The following QTMAN variants were observed in gnomAD, a reference collection of about 807,000 sequenced individuals.
QTMAN encodes the protein queuosine-tRNA mannosyltransferase.
the QTMAN span, among the ~76,000 whole-genome samples, chr2:144,194,524 G>GT: frequency 6.6e-6 from 1 of 152,202 alleles, no homozygotes; most frequent in Non-Finnish European, 1.5e-5. Flanking sequence ...GCTAATATTT[G>GT]TAAGTTGGGA....
chr2:144,143,647 C>T, the QTMAN span, among the ~76,000 whole-genome samples: 2 of 151,912 alleles, frequency 1.3e-5, no homozygotes, highest in African/African-American at 4.8e-5. Flanking sequence ...GCTGACACAA[C>T]ACTAAGCAAT....
chr2:144,165,300 G>A, the QTMAN span, among the ~76,000 whole-genome samples: 6 of 152,012 alleles, frequency 3.9e-5, no homozygotes, highest in Non-Finnish European at 7.4e-5. Context: ...AACCCAGGAG[G>A]CAGAGGTTGC....
At chr2:144,259,094 C>T in the QTMAN span, among the ~76,000 whole-genome samples, 1 of 152,174 alleles carries the variant, frequency 6.6e-6, no homozygotes, top group Admixed American at 6.5e-5. Flanking sequence ...AGCAGGTACA[C>T]CAGAAGTGAC....
the QTMAN span, among the ~76,000 whole-genome samples, chr2:144,164,748 T>C: frequency 5.4e-4 from 83 of 152,330 alleles, no homozygotes; most frequent in Non-Finnish European, 9.3e-4. Context: ...TTTTGGGTTG[T>C]TGGCAATTGT....
chr2:144,307,157 C>CT, the QTMAN span, among the ~76,000 whole-genome samples: 8 of 40,470 alleles, frequency 2.0e-4, no homozygotes, highest in African/African-American at 7.4e-4. Context: ...GAGACTCCGT[C>CT]TTAAAAAAAA....
chr2:144,217,224 C>G, the QTMAN span, among the ~76,000 whole-genome samples: 1 of 151,980 alleles, frequency 6.6e-6, no homozygotes, highest in South Asian at 2.1e-4. Context: ...AACCACTTTT[C>G]TTTTACAGAA....
the QTMAN span, among the ~76,000 whole-genome samples, chr2:144,279,061 CA>C: frequency 6.6e-6 from 1 of 152,068 alleles, no homozygotes; most frequent in Non-Finnish European, 1.5e-5. Flanking sequence ...TTCAGTGGCA[CA>C]ATTTGAACCC....
the QTMAN span, among the ~76,000 whole-genome samples, chr2:144,220,712 A>T: frequency 6.6e-6 from 1 of 152,194 alleles, no homozygotes; most frequent in Non-Finnish European, 1.5e-5. Flanking sequence ...CATATATGGG[A>T]TCATTAGTCT....
At chr2:143,957,205 C>A in the QTMAN span, 5 of 1,585,702 alleles carry the variant, frequency 3.2e-6, no homozygotes, top group Admixed American at 7.5e-5. Flanking sequence ...ATTGCCACTC[C>A]AAAGAATTCA....
At chr2:144,245,220 T>C in the QTMAN span, among the ~76,000 whole-genome samples, 2 of 152,330 alleles carry the variant, frequency 1.3e-5, no homozygotes, top group Non-Finnish European at 2.9e-5. Context: ...TAAAGACTCA[T>C]CAGTGGGATG....
the QTMAN span, among the ~76,000 whole-genome samples, chr2:144,267,330 T>G: frequency 6.6e-6 from 1 of 152,208 alleles, no homozygotes; most frequent in East Asian, 1.9e-4. Context: ...AGACAGGTAT[T>G]ACAGGAAGAA....
the QTMAN span, chr2:144,007,330 CCT>C: frequency 6.2e-7 from 1 of 1,613,248 alleles, no homozygotes; most frequent in Admixed American, 1.7e-5. Flanking sequence ...AAGTCTGATT[CCT>C]GTCTTAATGA....
At chr2:144,013,323 C>T in the QTMAN span, among the ~76,000 whole-genome samples, 3 of 152,108 alleles carry the variant, frequency 2.0e-5, no homozygotes, top group African/African-American at 7.2e-5. Context: ...CTGCAGGACA[C>T]AGCTTAAGAA....
chr2:144,031,906 G>A, the QTMAN span, among the ~76,000 whole-genome samples: 5 of 152,008 alleles, frequency 3.3e-5, no homozygotes, highest in African/African-American at 4.8e-5. Context: ...ACAGGCATGC[G>A]CCACACGTTT....
At chr2:144,033,095 C>G in the QTMAN span, among the ~76,000 whole-genome samples, 9 of 152,176 alleles carry the variant, frequency 5.9e-5, no homozygotes, top group Non-Finnish European at 1.3e-4. Context: ...AAAACAAACA[C>G]TGTTTTACTA....
At chr2:144,158,826 T>C in the QTMAN span, among the ~76,000 whole-genome samples, 2 of 152,182 alleles carry the variant, frequency 1.3e-5, no homozygotes, top group East Asian at 1.9e-4. Context: ...GTAATGATGA[T>C]ACATTTCAGC....
the QTMAN span, among the ~76,000 whole-genome samples, chr2:144,029,167 C>T: frequency 2.0e-5 from 3 of 152,084 alleles, no homozygotes; most frequent in African/African-American, 4.8e-5. Flanking sequence ...GAATGCATCT[C>T]TTATTAGAGG....
the QTMAN span, among the ~76,000 whole-genome samples, chr2:144,214,004 C>T: frequency 1.3e-5 from 2 of 152,054 alleles, no homozygotes; most frequent in Non-Finnish European, 2.9e-5. Flanking sequence ...ACCTTCCAGC[C>T]CACTCACTTA....
chr2:144,264,784 A>C, the QTMAN span, among the ~76,000 whole-genome samples: 1 of 152,202 alleles, frequency 6.6e-6, no homozygotes, highest in Non-Finnish European at 1.5e-5. Context: ...AGACTGCCTC[A>C]AGCTAACTCA....
Sources: allele counts gnomAD v4.1 joint callset (sites outside exome capture counted in the v4.1 genomes callset), GRCh38; gene constraint gnomAD v4.1.1; transcripts MANE v1.5; gene names NCBI Gene and HGNC (gene_info 2026-07-23, HGNC 2026-07-21).